The following SFI1 variants were observed in gnomAD, a reference collection of about 807,000 sequenced individuals.
The protein encoded by SFI1 is protein SFI1 homolog.
A neutral mutation model predicts 207.5 loss-of-function variants in SFI1; 195 were observed. The observed-to-expected ratio is 0.94, with a 90% CI of 0.84 to 1.06. The LOEUF (loss-of-function observed/expected upper bound fraction) is 1.06. SFI1 is among the 50% of genes least tolerant of loss of function. The pLI is 0.00. For synonymous variants in SFI1, 630 were observed against 598.9 expected (o/e 1.05, Z -0.76); for missense variants, 1,634 against 1,588.0 (o/e 1.03, Z -0.49).
chr22:31,584,986 A>G (rs2064832355), intron 13 of SFI1, 82 bp from the exon 14 acceptor site: 1 of 1,202,820 alleles, frequency 8.3e-7, no homozygotes, highest in Non-Finnish European at 1.2e-6. Flanking sequence ...AACTCACAGG[A>G]AGTAACTGTA....
At chr22:31,570,183 G>A (rs2062808277) in intron 8 of SFI1, among the ~76,000 whole-genome samples, 1 of 152,052 alleles carries the variant, frequency 6.6e-6, no homozygotes, top group South Asian at 2.1e-4. Context: ...AAACAGGGAG[G>A]ACAGGTAAGA....
chr22:31,533,607 A>G (rs962392121), intron 4 of SFI1, among the ~76,000 whole-genome samples: 6 of 152,080 alleles, frequency 3.9e-5, no homozygotes, highest in African/African-American at 1.4e-4. Flanking sequence ...GCAGCGACCA[A>G]AAGCAAGCAG....
rs1448581823 is a variant in SFI1, at chr22:31,604,330, G to C, written c.1903G>C (p.Glu635Gln). The change falls in exon 19 of 33, where the codon GAG becomes CAG. Residue 635 changes from glutamate to glutamine, a missense_variant. Physicochemically the swap from Glu to Gln is conservative, Grantham distance 29. Transcript: ENST00000400288. ...GCAGTGCCTGGCCCTGCGGGGAGCG[G>C]AGCGGCAGAAGCTGATGCGAGCAGA... ...WRECLALRGAERQKLMRADLH... is the reference protein window; with the variant it reads ...WRECLALRGAQRQKLMRADLH... 6.3e-7 allele frequency: 1 copy of C among 1,579,354 alleles called. No individual in the cohort carries two copies. Among genetic ancestry groups the C allele is most frequent in the Admixed American group, 1.8e-5 (1 of 55,364 alleles).
chr22:31,602,403 C>A, intron 16 of SFI1, 110 bp downstream of exon 16: 1 of 1,205,274 alleles, frequency 8.3e-7, no homozygotes, highest in Non-Finnish European at 1.2e-6. Context: ...TGGAGGGCCC[C>A]TGCCTGTGAC....
At chr22:31,549,933 G>C (rs2060472061) in intron 5 of SFI1, among the ~76,000 whole-genome samples, 1 of 151,032 alleles carries the variant, frequency 6.6e-6, no homozygotes, top group South Asian at 2.1e-4. Context: ...TTGTTTGTTT[G>C]TTTGTTTGTT....
At position 31,602,718 on chromosome 22, in the gene SFI1, C is replaced by T; in HGVS notation, c.1738C>T (p.His580Tyr). The T allele has an allele frequency of 1.2e-6, 2 of 1,614,188 alleles. No homozygotes were observed. The change falls in exon 17 of 33, where the codon CAC (histidine) becomes TAC (tyrosine). Residue 580 changes from histidine to tyrosine, a missense_variant. His to Tyr is a moderately conservative substitution (Grantham distance 83). Coordinates refer to ENST00000400288, the MANE Select transcript of SFI1 (RefSeq NM_001007467.3). The stretch of plus-strand genomic sequence containing the variant: ...GTGGCAAACAGTGGCCTGTGCCCAC[C>T]ACCGCCACGGGCGGCTCAAGAAAGC... ...QEWQTVACAHHRHGRLKKAFC... is the reference protein window; with the variant it reads ...QEWQTVACAHYRHGRLKKAFC...
chr22:31,613,508 T>A lies in SFI1; in HGVS notation c.2720T>A (p.Leu907Gln). 1 of 1,592,390 alleles carries A rather than the reference T, an allele frequency of 6.3e-7. No individual in the cohort carries two copies. Among genetic ancestry groups the A allele is most frequent in the Non-Finnish European group, 8.5e-7 (1 of 1,174,430 alleles). The change falls in exon 26 of 33, where the codon CTG becomes CAG. Residue 907 changes from leucine (L) to glutamine (Q), a missense_variant. Physicochemically the swap from Leu to Gln is moderately radical, Grantham distance 113. Transcript: ENST00000400288. ...AGCATGAAGGCCTCCCGGCAGCAGCTGCAGGCCCAGCAGCAGGTCCAGGTA... is the reference window on the plus strand; with the variant it reads ...AGCATGAAGGCCTCCCGGCAGCAGCAGCAGGCCCAGCAGCAGGTCCAGGTA... The part of the protein sequence containing the change: ...AASMKASRQQ[L>Q]QAQQQVQAAH...
At chr22:31,554,026 G>A (rs775142249) in intron 6 of SFI1, among the ~76,000 whole-genome samples, 5 of 150,756 alleles carry the variant, frequency 3.3e-5, no homozygotes, top group Non-Finnish European at 7.4e-5. Context: ...TTACAGAGAT[G>A]GGGGTCTTGC....
At chr22:31,578,707 A>G (rs2063776600) in intron 11 of SFI1, among the ~76,000 whole-genome samples, 2 of 152,176 alleles carry the variant, frequency 1.3e-5, no homozygotes, top group South Asian at 2.1e-4. Flanking sequence ...TTTACATGGT[A>G]AAACCCCTTT....
intron 1 of SFI1, among the ~76,000 whole-genome samples, chr22:31,498,708 A>G (rs2053183095): frequency 6.6e-6 from 1 of 152,132 alleles, no homozygotes; most frequent in African/African-American, 2.4e-5. Flanking sequence ...CGCCATGGAT[A>G]ACTGAGAGAC....
At chr22:31,568,189 GTGTGT>G (rs748712086) in intron 8 of SFI1, among the ~76,000 whole-genome samples, 3,605 of 78,094 alleles carry the variant, frequency 0.046, 99 homozygotes, top group East Asian at 0.14. Context: ...GTGTGTGTGT[GTGTGT>G]TGTGTGTGTG....
intron 9 of SFI1, among the ~76,000 whole-genome samples, chr22:31,573,748 A>T (rs1362972427): frequency 6.6e-6 from 1 of 152,062 alleles, no homozygotes; most frequent in Non-Finnish European, 1.5e-5. Context: ...TCTTCTGTAT[A>T]TTTTTTATCT....
chr22:31,506,910 A>G (rs1242066098), intron 1 of SFI1, among the ~76,000 whole-genome samples: 5 of 152,234 alleles, frequency 3.3e-5, no homozygotes, highest in African/African-American at 9.6e-5. Context: ...GGAAAAATCA[A>G]TATCATGAAA....
intron 7 of SFI1, among the ~76,000 whole-genome samples, chr22:31,558,107 A>G (rs757433089): frequency 1.3e-5 from 2 of 152,234 alleles, no homozygotes; most frequent in Admixed American, 6.5e-5. Context: ...TTCAGCTCTT[A>G]TTTTCCTCAT....
intron 5 of SFI1, among the ~76,000 whole-genome samples, chr22:31,548,463 C>T (rs940436425): frequency 4.0e-5 from 6 of 150,932 alleles, no homozygotes; most frequent in African/African-American, 1.2e-4. Context: ...CAGAGAAACC[C>T]CATCTCAACT....
intron 15 of SFI1, among the ~76,000 whole-genome samples, chr22:31,600,795 A>T (rs1378485185): frequency 6.6e-6 from 1 of 152,116 alleles, no homozygotes; most frequent in Non-Finnish European, 1.5e-5. Context: ...CAGAATCTAC[A>T]CTTACTGTCC....
chr22:31,600,737 C>G (rs1343797278), intron 15 of SFI1, among the ~76,000 whole-genome samples: 2 of 152,240 alleles, frequency 1.3e-5, no homozygotes, highest in Admixed American at 1.3e-4. Context: ...GGCAGAAAGT[C>G]TGGGCGGCCT....
chr22:31,603,750 G>T lies in SFI1; in HGVS notation c.1812G>T (p.Thr604=). ...ESAQGLRTER[T]GRVRAAEFHM... ...CTCTGCCATCTCCCCACAGGAGGAC[G>T]GGCAGGGTGCGGGCAGCAGAATTCC... is the stretch of plus-strand genomic sequence containing the variant. Residue 604 remains threonine (T), a synonymous_variant, in exon 18 of 33, where the codon ACG becomes ACT. Transcript: ENST00000400288. 2 of 1,537,652 alleles carry T rather than the reference G, an allele frequency of 1.3e-6. No individual in the cohort carries two copies. The highest frequency in any genetic ancestry group is 1.7e-4 in the Middle Eastern group (1 of 5,794).
intron 2 of SFI1, among the ~76,000 whole-genome samples, chr22:31,514,227 C>T (rs1001445543): frequency 9.3e-5 from 14 of 151,346 alleles, no homozygotes; most frequent in African/African-American, 2.9e-4. Context: ...ATCAACTGGC[C>T]GGGTGCGGTG....
Sources: gnomAD v4.1 joint callset for allele counts (sites outside exome capture counted in the v4.1 genomes callset) on GRCh38, gnomAD v4.1.1 for gene constraint, MANE v1.5 for transcripts, NCBI Gene and HGNC (gene_info 2026-07-23, HGNC 2026-07-21) for gene names.